The following CPQ variants were observed in gnomAD, a reference collection of about 807,000 sequenced individuals.
CPQ encodes the protein Ser-Met dipeptidase.
CPQ carries 37 observed loss-of-function variants against 45.7 expected under a neutral mutation model. That is an observed-to-expected ratio of 0.81 (90% CI 0.62 to 1.07). The LOEUF (loss-of-function observed/expected upper bound fraction) is 1.07. Among genes scored for constraint, CPQ ranks in the 50% least tolerant of loss-of-function variants. The probability of loss-of-function intolerance (pLI) is 0.00; values close to 1 mark genes in which losing one functional copy is unlikely to be tolerated. For missense variants in CPQ, 537 were observed against 572.9 expected (o/e 0.94, Z 0.64); for synonymous variants, 186 against 205.8 (o/e 0.90, Z 0.82).
chr8:97,003,232 T>C (rs189284887), intron 5 of CPQ, among the ~76,000 whole-genome samples: 1 of 152,266 alleles, frequency 6.6e-6, no homozygotes, highest in East Asian at 1.9e-4. Flanking sequence ...CTGTGTCTTC[T>C]ATTTGGGGCA....
chr8:96,899,255 G>A (rs1046721732), intron 4 of CPQ, among the ~76,000 whole-genome samples: 6 of 152,128 alleles, frequency 3.9e-5, no homozygotes, highest in Admixed American at 6.5e-5. Context: ...AGTATTAGAA[G>A]CCATAGGTAC....
chr8:97,044,484 T>C (rs201768835), intron 6 of CPQ, among the ~76,000 whole-genome samples: 3 of 152,356 alleles, frequency 2.0e-5, no homozygotes, highest in Admixed American at 1.3e-4. Flanking sequence ...TCTCTCAACT[T>C]GTCAAAGTCA....
chr8:96,947,715 C>A (rs1813209738), intron 4 of CPQ, among the ~76,000 whole-genome samples: 1 of 152,094 alleles, frequency 6.6e-6, no homozygotes, highest in South Asian at 2.1e-4. Context: ...TTTCTCTTTT[C>A]TCCTTAATCT....
At chr8:96,884,403 AC>A (rs1459623394) in intron 4 of CPQ, among the ~76,000 whole-genome samples, 1 of 152,134 alleles carries the variant, frequency 6.6e-6, no homozygotes. Flanking sequence ...TTATTTTAAA[AC>A]ATTTGATCTC....
intron 7 of CPQ, among the ~76,000 whole-genome samples, chr8:97,101,572 CT>C (rs5893410): frequency 4.5e-4 from 51 of 114,228 alleles, no homozygotes; most frequent in African/African-American, 8.3e-4. Flanking sequence ...TTTCTTTTTT[CT>C]TTTTTTTTTT....
At chr8:96,777,472 C>T (rs1810619603) in intron 1 of CPQ, among the ~76,000 whole-genome samples, 1 of 151,856 alleles carries the variant, frequency 6.6e-6, no homozygotes, top group Non-Finnish European at 1.5e-5. Flanking sequence ...CCCGCTGTCT[C>T]CTTAGCACAG....
At chr8:96,731,263 T>C (rs1234394473) in intron 1 of CPQ, among the ~76,000 whole-genome samples, 4 of 152,174 alleles carry the variant, frequency 2.6e-5, no homozygotes, top group African/African-American at 4.8e-5. Flanking sequence ...TTAGAGATGA[T>C]ACCTATCTCA....
chr8:96,961,106 A>G (rs1813454624), intron 4 of CPQ, among the ~76,000 whole-genome samples: 1 of 152,176 alleles, frequency 6.6e-6, no homozygotes, highest in African/African-American at 2.4e-5. Flanking sequence ...GTTCAACTTT[A>G]TAAGGATATG....
chr8:97,114,608 A>G (rs115976674), intron 7 of CPQ, among the ~76,000 whole-genome samples: 1 of 152,180 alleles, frequency 6.6e-6, no homozygotes, highest in Non-Finnish European at 1.5e-5. Flanking sequence ...CAAGAATTTC[A>G]TCCCTCATCC....
chr8:96,970,420 T>G (rs559465980), intron 5 of CPQ, among the ~76,000 whole-genome samples: 144 of 152,236 alleles, frequency 9.5e-4, no homozygotes, highest in Admixed American at 1.9e-3. Context: ...TTCCTGAAAA[T>G]AAACCCAAGC....
chr8:96,741,002 A>G (rs997019330), intron 1 of CPQ, among the ~76,000 whole-genome samples: 11 of 152,158 alleles, frequency 7.2e-5, no homozygotes, highest in South Asian at 2.1e-4. Flanking sequence ...ATGAGTTAGG[A>G]AGGATTCCCT....
intron 1 of CPQ, among the ~76,000 whole-genome samples, chr8:96,693,225 T>A (rs1040276749): frequency 2.0e-5 from 3 of 150,144 alleles, no homozygotes; most frequent in African/African-American, 7.4e-5. Flanking sequence ...AATCCAAGAG[T>A]TATTAGCCTT....
chr8:96,732,910 T>A (rs892541160), intron 1 of CPQ, among the ~76,000 whole-genome samples: 14 of 152,320 alleles, frequency 9.2e-5, no homozygotes, highest in South Asian at 4.1e-4. Context: ...CTATTTTTTT[T>A]AAATGTTTCA....
intron 7 of CPQ, among the ~76,000 whole-genome samples, chr8:97,137,653 T>C (rs1345390618): frequency 6.6e-6 from 1 of 152,202 alleles, no homozygotes; most frequent in Admixed American, 6.5e-5. Context: ...TTTCTGGTTT[T>C]AAAATGGACT....
intron 3 of CPQ, among the ~76,000 whole-genome samples, chr8:96,845,271 T>C (rs987558299): frequency 3.9e-5 from 6 of 152,198 alleles, no homozygotes; most frequent in African/African-American, 1.4e-4. Context: ...CTATCTAGTT[T>C]TCAGCATGTA....
chr8:96,755,297 T>C (rs1810315403), intron 1 of CPQ, among the ~76,000 whole-genome samples: 1 of 151,988 alleles, frequency 6.6e-6, no homozygotes, highest in African/African-American at 2.4e-5. Flanking sequence ...AATTATGATG[T>C]TCTTGTGTTT....
At chr8:96,780,114 G>C (rs2130805164) in intron 1 of CPQ, among the ~76,000 whole-genome samples, 1 of 152,244 alleles carries the variant, frequency 6.6e-6, no homozygotes, top group East Asian at 1.9e-4. Context: ...GCCTGTATTT[G>C]AGTATAACAA....
At chr8:96,828,689 A>T (rs1457184699) in intron 2 of CPQ, among the ~76,000 whole-genome samples, 1 of 151,930 alleles carries the variant, frequency 6.6e-6, no homozygotes, top group African/African-American at 2.4e-5. Flanking sequence ...GCCGTCCCTC[A>T]CTCACGCACA....
chr8:96,917,703 A>G (rs1812751317), intron 4 of CPQ, among the ~76,000 whole-genome samples: 1 of 152,194 alleles, frequency 6.6e-6, no homozygotes, highest in Non-Finnish European at 1.5e-5. Flanking sequence ...CCATCTGTAT[A>G]CACATATCTA....
Sources: gnomAD v4.1 joint callset for allele counts (sites outside exome capture counted in the v4.1 genomes callset) on GRCh38, gnomAD v4.1.1 for gene constraint, MANE v1.5 for transcripts, NCBI Gene and HGNC (gene_info 2026-07-23, HGNC 2026-07-21) for gene names.